CACNA1C: variants seen among roughly 807,000 people sequenced by gnomAD.
The protein encoded by CACNA1C is calcium voltage-gated channel subunit alpha1 C, also known as voltage-dependent L-type calcium channel subunit alpha-1C.
Under a neutral mutation model 229.0 loss-of-function variants are expected in CACNA1C, and 30 were observed. That is an observed-to-expected ratio of 0.13 (90% CI 0.10 to 0.18). The LOEUF (loss-of-function observed/expected upper bound fraction) is 0.18, where lower values mean the gene tolerates loss of function less well. Among genes scored for constraint, CACNA1C ranks in the 10% least tolerant of loss-of-function variants. The probability of loss-of-function intolerance (pLI) is 1.00; values close to 1 mark genes in which losing one functional copy is unlikely to be tolerated. For missense variants in CACNA1C, 1,658 were observed against 2,845.0 expected, an observed-to-expected ratio of 0.58 and a Z score of 9.49; for synonymous variants, 1,114 against 1,132.5, an observed-to-expected ratio of 0.98 and a Z score of 0.33.
At chr12:2,521,428 G>C (rs534132010) in intron 9 of CACNA1C, among the ~76,000 whole-genome samples, 1 of 152,266 alleles carries the variant, frequency 6.6e-6, no homozygotes, top group Admixed American at 6.5e-5. Context: ...GAGCAAACAG[G>C]CTGTTAGCTC....
At chr12:2,012,564 TACA>T (rs2044629858) in intron 1 of CACNA1C, among the ~76,000 whole-genome samples, 1 of 152,272 alleles carries the variant, frequency 6.6e-6, no homozygotes, top group South Asian at 2.1e-4. Context: ...GAGGACTCTC[TACA>T]TGCTCAGTAG....
chr12:2,005,440 A>G (rs11062057), intron 1 of CACNA1C, among the ~76,000 whole-genome samples: 23,275 of 152,224 alleles, frequency 0.15, 1,895 homozygotes, highest in East Asian at 0.21. Flanking sequence ...TGATTATTCA[A>G]ACAGGTACTT....
intron 1 of CACNA1C, among the ~76,000 whole-genome samples, chr12:2,099,451 C>T (rs2075521678): frequency 6.6e-6 from 1 of 151,964 alleles, no homozygotes; most frequent in African/African-American, 2.4e-5. Context: ...CTCTGTTTGC[C>T]TGCAGTGCTG....
At chr12:2,408,924 A>G (rs1291251771) in intron 3 of CACNA1C, among the ~76,000 whole-genome samples, 2 of 152,194 alleles carry the variant, frequency 1.3e-5, no homozygotes, top group Non-Finnish European at 2.9e-5. Context: ...TAAGAAGCCT[A>G]TTGCCATCCT....
At chr12:2,358,644 G>A (rs917671402) in intron 3 of CACNA1C, among the ~76,000 whole-genome samples, 1 of 152,180 alleles carries the variant, frequency 6.6e-6, no homozygotes, top group African/African-American at 2.4e-5. Flanking sequence ...GTTTCTAAGT[G>A]CACTAGGCTT....
At chr12:2,644,205 A>G (rs577848279) in intron 30 of CACNA1C, among the ~76,000 whole-genome samples, 1 of 152,346 alleles carries the variant, frequency 6.6e-6, no homozygotes, top group African/African-American at 2.4e-5. Flanking sequence ...CATTGTCTCA[A>G]TGGCAGCCAT....
chr12:2,460,683 T>A (rs943652748), intron 5 of CACNA1C, among the ~76,000 whole-genome samples: 3 of 152,178 alleles, frequency 2.0e-5, no homozygotes, highest in South Asian at 2.1e-4. Flanking sequence ...AAGGCCCTCA[T>A]GTTACCTGCC....
chr12:1,998,161 G>T (rs1456487361), intron 1 of CACNA1C, among the ~76,000 whole-genome samples: 1 of 152,208 alleles, frequency 6.6e-6, no homozygotes, highest in African/African-American at 2.4e-5. Context: ...CTGCAGATTA[G>T]GCAGCAGGAA....
At position 2,606,932 on chromosome 12, in the gene CACNA1C, C is replaced by A. The variant is rs115779848; in HGVS notation, c.3210-52C>A. 5 of 1,591,034 alleles carry A rather than the reference C, an allele frequency of 3.1e-6. No individual in the cohort carries two copies. The East Asian group carries it at 6.7e-5, about 21-fold the overall frequency. On this transcript the variant is annotated intron_variant, in intron 25 of 46. Coordinates refer to ENST00000399655, the MANE Select transcript of CACNA1C (RefSeq NM_000719.7). ...CATTCAAGGTCACTGGCAGGCCAGG[C>A]GTGAAGGAAGATGGGAGATCCCAGA...
intron 3 of CACNA1C, among the ~76,000 whole-genome samples, chr12:2,338,730 T>C (rs1386418864): frequency 6.6e-6 from 1 of 151,854 alleles, no homozygotes; most frequent in East Asian, 1.9e-4. Flanking sequence ...CCAGGAAGCA[T>C]GAGAATAGCA....
In CACNA1C at chr12:2,354,207, G is replaced by A. The variant is rs550033110; in HGVS notation, c.478-94769G>A. On this transcript the variant is annotated intron_variant, in intron 3 of 46. Coordinates refer to ENST00000399655, the MANE Select transcript of CACNA1C (RefSeq NM_000719.7). This position sits in a 1 kb window ranked among gnomAD's most constrained non-coding sequence, Gnocchi z 4.6. Reference sequence around the variant, plus strand: ...AAGCCCCGCCTTTCATGTGGGCCCCGCACAGTTAGGCTGCCCGAGTCCCTC... The same window carrying A: ...AAGCCCCGCCTTTCATGTGGGCCCCACACAGTTAGGCTGCCCGAGTCCCTC... Among the ~76,000 whole-genome samples the A allele has an allele frequency of 3.7e-4, 57 of 152,118 alleles. No homozygotes were observed. Among genetic ancestry groups the A allele is most frequent in the Admixed American group, 2.1e-3 (32 of 15,284 alleles).
chr12:2,352,958 T>C (rs1343723694), intron 3 of CACNA1C, among the ~76,000 whole-genome samples: 1 of 152,218 alleles, frequency 6.6e-6, no homozygotes, highest in African/African-American at 2.4e-5. Flanking sequence ...TTATGAAGCA[T>C]ACACACAAGG....
At chr12:2,066,876 G>A in intron 1 of CACNA1C, among the ~76,000 whole-genome samples, 1 of 151,986 alleles carries the variant, frequency 6.6e-6, no homozygotes, top group South Asian at 2.1e-4. Context: ...GACAGGAGGG[G>A]CCTCGGGCAG....
chr12:2,515,084 TG>T (rs2099793564), intron 9 of CACNA1C, among the ~76,000 whole-genome samples: 1 of 152,212 alleles, frequency 6.6e-6, no homozygotes, highest in Non-Finnish European at 1.5e-5. Flanking sequence ...GGAGGAGCCC[TG>T]GGGGTCTGTT....
chr12:2,444,058 G>T (rs559785079), intron 3 of CACNA1C, among the ~76,000 whole-genome samples: 2 of 152,114 alleles, frequency 1.3e-5, no homozygotes, highest in African/African-American at 2.4e-5. Context: ...GTTCAGACCC[G>T]CTCTTACTGG....
intron 3 of CACNA1C, among the ~76,000 whole-genome samples, chr12:2,349,314 T>C (rs375880711): frequency 1.3e-5 from 2 of 152,070 alleles, no homozygotes; most frequent in Non-Finnish European, 2.9e-5. Context: ...CCTGGCAGCG[T>C]TGGGACATAG....
At position 2,639,545 on chromosome 12, in the gene CACNA1C, G is replaced by C. The variant is rs764978991; in HGVS notation, c.3912+5165G>C. 6.6e-6 allele frequency among the ~76,000 whole-genome samples: 1 copy of C among 152,156 alleles called. No homozygotes were observed. Among genetic ancestry groups the C allele is most frequent in the Non-Finnish European group, 1.5e-5 (1 of 68,032 alleles). ...TTATGCTTCCAGCTCTGGTGACTTA[G>C]AGCAATGAACTCCATTCTCTGGGCC... On this transcript the variant is annotated intron_variant, in intron 30 of 46. Coordinates refer to ENST00000399655, the MANE Select transcript of CACNA1C (RefSeq NM_000719.7). This position sits in a 1 kb window ranked among gnomAD's most constrained non-coding sequence, Gnocchi z 4.2.
chr12:2,284,707 G>T (rs543332664), intron 3 of CACNA1C, among the ~76,000 whole-genome samples: 2 of 152,336 alleles, frequency 1.3e-5, no homozygotes, highest in Non-Finnish European at 2.9e-5. Flanking sequence ...GTCCTGCTTT[G>T]TTCAGTTTCC....
At chr12:2,358,379 G>A (rs1049965376) in intron 3 of CACNA1C, among the ~76,000 whole-genome samples, 2 of 151,226 alleles carry the variant, frequency 1.3e-5, no homozygotes, top group East Asian at 1.9e-4. Flanking sequence ...ATGTTTCTTG[G>A]CATGTAATTA....
Sources: allele counts gnomAD v4.1 joint callset (sites outside exome capture counted in the v4.1 genomes callset), GRCh38; gene constraint gnomAD v4.1.1; non-coding constraint Gnocchi (gnomAD v3.1); transcripts MANE v1.5; gene names NCBI Gene and HGNC (gene_info 2026-07-23, HGNC 2026-07-21).